The following PDPK1 variants were observed in gnomAD, a reference collection of about 807,000 sequenced individuals.
PDPK1 encodes the protein 3-phosphoinositide dependent protein kinase 1.
In PDPK1, 7 loss-of-function variants were observed where a neutral mutation model predicts 39.8. The ratio of observed to expected loss-of-function variants is 0.18; its 90% CI spans 0.10 to 0.33. PDPK1 has a LOEUF of 0.33. Ranked by LOEUF, PDPK1 falls within the 10% of genes least tolerant of loss-of-function variation. PDPK1 has a pLI of 1.00. For missense variants in PDPK1, 182 were observed against 384.7 expected (o/e 0.47, Z 4.41); for synonymous variants, 118 against 159.1 (o/e 0.74, Z 1.95).
At chr16:2,544,832 C>T (rs1276776584) in intron 1 of PDPK1, among the ~76,000 whole-genome samples, 1 of 152,120 alleles carries the variant, frequency 6.6e-6, no homozygotes, top group East Asian at 1.9e-4. Context: ...GATCCGCCCA[C>T]CTCGGCCTCC....
intron 10 of PDPK1, among the ~76,000 whole-genome samples, chr16:2,585,445 G>A (rs1316512972): frequency 6.6e-6 from 1 of 152,220 alleles, no homozygotes; most frequent in Non-Finnish European, 1.5e-5. Context: ...CTGCAGGGCC[G>A]CACCCCCTCC....
chr16:2,592,440 AT>A, intron 11 of PDPK1: 1 of 271,896 alleles, frequency 3.7e-6, no homozygotes, highest in Non-Finnish European at 7.2e-6. Flanking sequence ...AGGGCAGGGG[AT>A]TTTCTGCAGG....
intron 11 of PDPK1, among the ~76,000 whole-genome samples, chr16:2,589,072 C>T (rs28415867): frequency 0.02 from 2,981 of 152,250 alleles, 98 homozygotes; most frequent in African/African-American, 0.068. Flanking sequence ...TCTCCTGTCT[C>T]AGCCTCCTGA....
chr16:2,543,887 AAT>A (rs1491157441), intron 1 of PDPK1, among the ~76,000 whole-genome samples: 1 of 70,826 alleles, frequency 1.4e-5, no homozygotes, highest in Non-Finnish European at 3.2e-5. Flanking sequence ...GCACCCGGCT[AAT>A]TTTTTTTTTT....
chr16:2,597,058 C>G lies in PDPK1; in HGVS notation c.1402-65C>G. 2 of 1,387,736 alleles carry G rather than the reference C, an allele frequency of 1.4e-6. No individual in the cohort carries two copies. Among genetic ancestry groups the G allele is most frequent in the Non-Finnish European group, 1.9e-6 (2 of 1,026,338 alleles). The allele number at this position is 1,387,736 out of a possible 1,614,324, so 86.0% of individuals were successfully genotyped here. Reference sequence around the variant, plus strand: ...CAGCTCCGAGGGGCCGCCCAGCCCTCTAGGCTCCAGGAGATGCCGTCAGCA... The same window carrying G: ...CAGCTCCGAGGGGCCGCCCAGCCCTGTAGGCTCCAGGAGATGCCGTCAGCA... On this transcript the variant is annotated intron_variant, in intron 12 of 13. Transcript: ENST00000342085. The surrounding 1 kb of genome is among the most constrained non-coding windows in gnomAD (Gnocchi z 6.3).
intron 11 of PDPK1, among the ~76,000 whole-genome samples, chr16:2,587,463 T>C (rs2066900795): frequency 6.6e-6 from 1 of 152,224 alleles, no homozygotes; most frequent in African/African-American, 2.4e-5. Flanking sequence ...CATTTGTGTT[T>C]CTTTTTTGAG....
Position 2,593,148 on chromosome 16 carries a change from G to A in PDPK1, c.1344-2645G>A, listed in dbSNP as rs1427833234. 1 of 454,018 alleles carries A rather than the reference G, an allele frequency of 2.2e-6. No individual in the cohort carries two copies. The highest frequency in any genetic ancestry group is 7.0e-5 in the East Asian group (1 of 14,382). 28.1% of individuals were successfully genotyped at this position (454,018 alleles called of 1,614,324 possible). A position where few individuals can be genotyped will look rare whatever the true frequency, so the allele number is the denominator to read the frequency against. On this transcript the variant is annotated intron_variant, in intron 11 of 13. Coordinates refer to ENST00000342085, the MANE Select transcript of PDPK1 (RefSeq NM_002613.5). The surrounding 1 kb of genome is among the most constrained non-coding windows in gnomAD (Gnocchi z 4.2). ...GCGGGAGCACCACTCCTGCACGCCC[G>A]TGCCTGTGGCATGCCCAGATGATCA... is the stretch of plus-strand genomic sequence containing the variant.
Position 2,597,661 on chromosome 16 carries a change from C to A in PDPK1, c.1565C>A (p.Thr522Lys). The A allele has an allele frequency of 6.2e-7, 1 of 1,611,940 alleles. No individual in the cohort carries two copies. Among genetic ancestry groups the A allele is most frequent in the Non-Finnish European group, 8.5e-7 (1 of 1,178,106 alleles). The change falls in exon 14 of 14, where the codon ACG becomes AAG. Residue 522 changes from threonine (T) to lysine (K), a missense_variant. By Grantham distance (78) the Thr-to-Lys change is moderately conservative (BLOSUM62 -1). Around this residue, in one of 5 missense-constraint regions of PDPK1, gnomAD observed 67 missense variants for 87.8 expected, o/e 0.76. Transcript: ENST00000342085. The surrounding 1 kb of genome is among the most constrained non-coding windows in gnomAD (Gnocchi z 6.3). ...CTTCTGTCTTCGCAGCCTAACAGGA[C>A]GTATTATCTGATGGACCCCAGCGGG... ...KTFFVHTPNR[T>K]YYLMDPSGNA...
chr16:2,587,603 G>C (rs2066903823), intron 11 of PDPK1, among the ~76,000 whole-genome samples: 1 of 152,068 alleles, frequency 6.6e-6, no homozygotes, highest in South Asian at 2.1e-4. Flanking sequence ...CTGCCTCCTG[G>C]GTTCAAGCAA....
At chr16:2,590,941 A>C (rs943801982) in intron 11 of PDPK1, among the ~76,000 whole-genome samples, 2 of 150,018 alleles carry the variant, frequency 1.3e-5, no homozygotes, top group African/African-American at 4.9e-5. Context: ...GAGCTACTGC[A>C]CCAGGCCAAA....
chr16:2,542,720 C>A (rs1365171874), intron 1 of PDPK1, among the ~76,000 whole-genome samples: 2 of 152,202 alleles, frequency 1.3e-5, no homozygotes, highest in African/African-American at 4.8e-5. Flanking sequence ...TGGGACCGGC[C>A]CAATCTGTGT....
intron 11 of PDPK1, among the ~76,000 whole-genome samples, chr16:2,590,313 G>A (rs973804809): frequency 6.6e-6 from 1 of 152,146 alleles, no homozygotes; most frequent in African/African-American, 2.4e-5. Flanking sequence ...GTGAAGACAG[G>A]GTTTCACTAT....
chr16:2,585,172 C>T (rs1441100448), intron 10 of PDPK1, among the ~76,000 whole-genome samples: 2 of 152,214 alleles, frequency 1.3e-5, no homozygotes, highest in East Asian at 1.9e-4. Context: ...CATACCTGTG[C>T]AGGCCCCTGT....
chr16:2,599,273 G>GT lies in PDPK1; in HGVS notation c.*1507dup, dbSNP rs1315441238. On this transcript the variant is annotated 3_prime_UTR_variant, in exon 14 of 14. Coordinates refer to ENST00000342085, the MANE Select transcript of PDPK1 (RefSeq NM_002613.5). ...CCACAGACCTGCCTCTGACTCAACT[G>GT]TGTCCACCCTCCCTGGTCCCTACCC... 4.3e-6 allele frequency: 1 copy of GT among 233,116 alleles called. No individual in the cohort carries two copies. Among genetic ancestry groups the GT allele is most frequent in the African/African-American group, 2.2e-5 (1 of 45,310 alleles). The allele number at this position is 233,116 out of a possible 1,614,324, so 14.4% of individuals were successfully genotyped here.
At chr16:2,573,587 C>T (rs1359301969) in intron 6 of PDPK1, among the ~76,000 whole-genome samples, 2 of 62,296 alleles carry the variant, frequency 3.2e-5, no homozygotes, top group Non-Finnish European at 5.5e-5. Flanking sequence ...TTTGGGAGGC[C>T]GGGGTGGGTG....
In PDPK1 at chr16:2,593,386, C is replaced by A; in HGVS notation, c.1344-2407C>A. ...AGTCCTTTCCCGCCCCAGCTGTGGTCCTGGTGGTTTTTTAGGTGGAGGTGG... is the reference window on the plus strand; with the variant it reads ...AGTCCTTTCCCGCCCCAGCTGTGGTACTGGTGGTTTTTTAGGTGGAGGTGG... On this transcript the variant is annotated intron_variant, in intron 11 of 13. Coordinates refer to ENST00000342085, the MANE Select transcript of PDPK1 (RefSeq NM_002613.5). The surrounding 1 kb of genome is among the most constrained non-coding windows in gnomAD (Gnocchi z 4.2). 3.1e-6 allele frequency: 1 copy of A among 325,990 alleles called. No homozygotes were observed. Among genetic ancestry groups the A allele is most frequent in the South Asian group, 2.4e-5 (1 of 41,726 alleles). 20.2% of individuals were successfully genotyped at this position (325,990 alleles called of 1,614,324 possible). A position where few individuals can be genotyped will look rare whatever the true frequency, so the allele number is the denominator to read the frequency against.
rs937283945 is a variant in PDPK1 at position 2,599,111 on chromosome 16, A to G, written c.*1344A>G. 7 of 233,268 alleles carry G rather than the reference A, an allele frequency of 3.0e-5. No homozygotes were observed. The highest frequency in any genetic ancestry group is 5.6e-5 in the Admixed American group (1 of 17,780). The allele number at this position is 233,268 out of a possible 1,614,324, so 14.4% of individuals were successfully genotyped here. ...TCTGCAGCACAGACAGGCCAGATGC[A>G]TTTGTCCTTTGCCTAGCTACTCCCC... On this transcript the variant is annotated 3_prime_UTR_variant, in exon 14 of 14. Coordinates refer to ENST00000342085, the MANE Select transcript of PDPK1 (RefSeq NM_002613.5).
chr16:2,586,929 G>C (rs751564020), intron 11 of PDPK1, 36 bp downstream of exon 11: 1 of 1,581,802 alleles, frequency 6.3e-7, no homozygotes, highest in East Asian at 2.2e-5. Flanking sequence ...GCTTTTTGCA[G>C]AATTGCAGCG....
Position 2,538,116 on chromosome 16 carries a change from G to T in PDPK1, c.4G>T (p.Ala2Ser). The change falls in exon 1 of 14, where the codon GCC (alanine) becomes TCC (serine). Residue 2 changes from alanine (A) to serine (S), a missense_variant. Physicochemically the swap from Ala to Ser is moderately conservative, Grantham distance 99. Around this residue, in one of 5 missense-constraint regions of PDPK1, gnomAD observed 14 missense variants for 16.3 expected, o/e 0.86. Transcript: ENST00000342085. M[A>S]RTTSQLYDAV... The stretch of plus-strand genomic sequence containing the variant: ...CGCCCGCGCCGACGCGGGGCCCATG[G>T]CCAGGACCACCAGCCAGCTGGTGAG... The T allele has an allele frequency of 9.4e-7, 1 of 1,066,270 alleles. No individual in the cohort carries two copies. The allele number at this position is 1,066,270 out of a possible 1,614,324, so 66.1% of individuals were successfully genotyped here.
Sources: gnomAD v4.1 joint callset for allele counts (sites outside exome capture counted in the v4.1 genomes callset) on GRCh38, gnomAD v4.1.1 for gene constraint, gnomAD v4.1.1 regional missense constraint, Gnocchi (gnomAD v3.1) non-coding constraint, MANE v1.5 for transcripts, NCBI Gene and HGNC (gene_info 2026-07-23, HGNC 2026-07-21) for gene names.